RHOBTB3: variants seen among roughly 807,000 people sequenced by gnomAD.
RHOBTB3 encodes the protein rho-related BTB domain-containing protein 3.
RHOBTB3 carries 47 observed loss-of-function variants against 67.2 expected under a neutral mutation model. That is an observed-to-expected ratio of 0.70 (90% CI 0.55 to 0.89). RHOBTB3 has a LOEUF of 0.89. RHOBTB3 is among the 40% of genes least tolerant of loss of function. The pLI, the probability that RHOBTB3 is intolerant of heterozygous loss-of-function variation, is 0.00. For synonymous variants in RHOBTB3, 273 were observed against 274.2 expected, an observed-to-expected ratio of 1.00 and a Z score of 0.04; for missense variants, 631 against 750.0, an observed-to-expected ratio of 0.84 and a Z score of 1.85.
chr5:95,723,248 G>A (rs1276369484), intron 1 of RHOBTB3, among the ~76,000 whole-genome samples: 1 of 152,180 alleles, frequency 6.6e-6, no homozygotes, highest in Non-Finnish European at 1.5e-5. Flanking sequence ...AAAAATTTGT[G>A]TTGGGCCACA....
intron 2 of RHOBTB3, among the ~76,000 whole-genome samples, chr5:95,735,259 C>CTTTTTTTTT (rs10718378): frequency 9.0e-5 from 12 of 133,690 alleles, no homozygotes; most frequent in Non-Finnish European, 6.4e-5. Flanking sequence ...CATATTTTGC[C>CTTTTTTTTT]TTTTTTTTTT....
rs576633021 is a variant in RHOBTB3, at chr5:95,744,856, C to T, written c.416-3477C>T. ...GTGACTGAGGTGGGAGGATCACTTG[C>T]GATCAGGAGTTCAGGACCAGCCTGG... On this transcript the variant is annotated intron_variant, in intron 3 of 11. Coordinates refer to ENST00000379982, the MANE Select transcript of RHOBTB3 (RefSeq NM_014899.4). Among the ~76,000 whole-genome samples, 9 of 151,768 alleles carry T rather than the reference C, an allele frequency of 5.9e-5. No individual in the cohort carries two copies. In the East Asian group the frequency reaches 9.7e-4, roughly 16 times the overall value.
intron 8 of RHOBTB3, among the ~76,000 whole-genome samples, chr5:95,778,199 C>A (rs1204770108): frequency 4.6e-5 from 7 of 152,006 alleles, no homozygotes; most frequent in African/African-American, 1.7e-4. Flanking sequence ...CCCAGATCCG[C>A]TACGCTCAAG....
intron 6 of RHOBTB3, among the ~76,000 whole-genome samples, chr5:95,757,000 T>C (rs184309550): frequency 6.6e-6 from 1 of 152,346 alleles, no homozygotes; most frequent in African/African-American, 2.4e-5. Flanking sequence ...TCTTAGGTTT[T>C]GTAGGGCGTG....
chr5:95,744,095 C>G (rs529720880), intron 3 of RHOBTB3, among the ~76,000 whole-genome samples: 5 of 152,006 alleles, frequency 3.3e-5, no homozygotes, highest in East Asian at 1.9e-4. Flanking sequence ...TCTCCTCCCC[C>G]CTTCCCCCTT....
intron 9 of RHOBTB3, 25 bp downstream of exon 9, chr5:95,780,450 A>T: frequency 6.3e-7 from 1 of 1,597,100 alleles, no homozygotes; most frequent in East Asian, 2.2e-5. Context: ...TGTTGATAGT[A>T]TCTCAGAATT....
chr5:95,769,950 T>C (rs1745659668), intron 8 of RHOBTB3: 1 of 427,358 alleles, frequency 2.3e-6, no homozygotes, highest in Admixed American at 2.5e-5. Context: ...TCCAGGTTTG[T>C]TGACAATAGA....
intron 6 of RHOBTB3, 127 bp from the exon 7 acceptor site, chr5:95,763,381 A>G (rs937656282): frequency 1.6e-6 from 1 of 620,922 alleles, no homozygotes; most frequent in Non-Finnish European, 2.9e-6. Flanking sequence ...GTATAGTTAT[A>G]AGGATGTATA....
At chr5:95,791,459 C>G (rs564217879) in intron 11 of RHOBTB3, among the ~76,000 whole-genome samples, 10 of 152,298 alleles carry the variant, frequency 6.6e-5, no homozygotes, top group African/African-American at 2.2e-4. Context: ...GAGCTCATCT[C>G]TAATAACTTT....
chr5:95,731,537 G>A lies in RHOBTB3; in HGVS notation c.-146G>A. ...GCTGGCGCGGCCCCGGCCCCGCTCT[G>A]CGTCGGCCCCGCCGCGGTGGAGGCG... On this transcript the variant is annotated 5_prime_UTR_variant, in exon 1 of 12. Transcript: ENST00000379982. 7.1e-7 allele frequency: 1 copy of A among 1,409,598 alleles called. No homozygotes were observed. Among genetic ancestry groups the A allele is most frequent in the East Asian group, 3.0e-5 (1 of 33,416 alleles). 87.3% of individuals were successfully genotyped at this position (1,409,598 alleles called of 1,614,324 possible).
chr5:95,770,664 T>C, intron 8 of RHOBTB3: 1 of 494,510 alleles, frequency 2.0e-6, no homozygotes, highest in African/African-American at 1.9e-5. Context: ...AGAAGGACCC[T>C]GGAATGGGTG....
intron 8 of RHOBTB3, among the ~76,000 whole-genome samples, chr5:95,771,361 C>T (rs562678806): frequency 2.6e-5 from 4 of 152,296 alleles, no homozygotes; most frequent in South Asian, 4.1e-4. Context: ...AATATTTCCT[C>T]AGAAAGATGC....
chr5:95,790,013 T>A (rs1197161248), intron 11 of RHOBTB3, among the ~76,000 whole-genome samples: 1 of 152,188 alleles, frequency 6.6e-6, no homozygotes, highest in African/African-American at 2.4e-5. Context: ...TAAAAATCTC[T>A]TGTTTTTATT....
chr5:95,719,716 T>C (rs2112743597), intron 1 of RHOBTB3: 1 of 152,354 alleles, frequency 6.6e-6, no homozygotes, highest in Non-Finnish European at 1.5e-5. Context: ...TCTTCGATGA[T>C]CCTTGTAGTT....
At chr5:95,732,983 C>A (rs906917483) in intron 2 of RHOBTB3, among the ~76,000 whole-genome samples, 5 of 151,970 alleles carry the variant, frequency 3.3e-5, no homozygotes, top group Non-Finnish European at 7.4e-5. Context: ...TGAAAAGATA[C>A]AAATTATCGT....
In RHOBTB3 at chr5:95,748,364, C is replaced by G. The variant is rs757286514; in HGVS notation, c.447C>G (p.Thr149=). Residue 149 remains threonine (T), a synonymous_variant, in exon 4 of 12, where the codon ACC becomes ACG. Coordinates refer to ENST00000379982, the MANE Select transcript of RHOBTB3 (RefSeq NM_014899.4). ...EELPCTCPLC[T]SDRGSCVSTT... ...TACCTTGTACATGCCCACTATGTAC[C>G]TCAGACAGAGGGAGCTGTGTTAGTA... The G allele has an allele frequency of 1.2e-6, 2 of 1,612,088 alleles. No individual in the cohort carries two copies. Among genetic ancestry groups the G allele is most frequent in the South Asian group, 2.2e-5 (2 of 90,822 alleles).
In RHOBTB3 at chr5:95,778,400, GT is replaced by G. The variant is rs370784300; in HGVS notation, c.1283-1839del. On this transcript the variant is annotated intron_variant, in intron 8 of 11. Coordinates refer to ENST00000379982, the MANE Select transcript of RHOBTB3 (RefSeq NM_014899.4). ...TGTATATGTTCAATACAGTTGCAGGGTTTTTTTTTTTTTCTGAATATTTTCC... is the reference window on the plus strand; with the variant it reads ...TGTATATGTTCAATACAGTTGCAGGGTTTTTTTTTTTTCTGAATATTTTCC... 3.6e-3 allele frequency among the ~76,000 whole-genome samples: 517 copies of G among 144,038 alleles called. 4 individuals are homozygous for G. The highest frequency in any genetic ancestry group is 0.011 in the African/African-American group (442 of 39,540). The allele number at this position is 144,038 out of a possible 152,430, so 94.5% of individuals were successfully genotyped here.
At chr5:95,741,803 T>A (rs1755609246) in intron 3 of RHOBTB3, among the ~76,000 whole-genome samples, 1 of 152,156 alleles carries the variant, frequency 6.6e-6, no homozygotes, top group Admixed American at 6.6e-5. Flanking sequence ...TGCAAAATAG[T>A]GATGTTTCTA....
chr5:95,742,948 G>C (rs1280077262), intron 3 of RHOBTB3, among the ~76,000 whole-genome samples: 2 of 152,188 alleles, frequency 1.3e-5, no homozygotes, highest in African/African-American at 4.8e-5. Flanking sequence ...GCGGGCGCCT[G>C]TAGTCCCAGC....
Sources: allele counts gnomAD v4.1 joint callset (sites outside exome capture counted in the v4.1 genomes callset), GRCh38; gene constraint gnomAD v4.1.1; transcripts MANE v1.5; gene names NCBI Gene and HGNC (gene_info 2026-07-23, HGNC 2026-07-21).